Variants in CDH18 observed in about 807,000 individuals in gnomAD.
CDH18 encodes cadherin-18.
Under a neutral mutation model 67.9 loss-of-function variants are expected in CDH18, and 31 were observed. The observed-to-expected ratio is 0.46, with a 90% CI of 0.34 to 0.62. The LOEUF is 0.62. Ranked by LOEUF, CDH18 falls within the 20% of genes least tolerant of loss-of-function variation. The pLI is 0.01. For synonymous variants in CDH18, 362 were observed against 347.2 expected (o/e 1.04, Z -0.48); for missense variants, 890 against 975.5 (o/e 0.91, Z 1.17).
intron 3 of CDH18, among the ~76,000 whole-genome samples, chr5:19,807,556 T>C (rs1363450546): frequency 6.6e-6 from 1 of 152,144 alleles, no homozygotes; most frequent in African/African-American, 2.4e-5. Flanking sequence ...TAGTTTTCTC[T>C]CTCTCCTCAC....
At chr5:20,379,594 G>T (rs1743748535) in intron 1 of CDH18, among the ~76,000 whole-genome samples, 1 of 152,018 alleles carries the variant, frequency 6.6e-6, no homozygotes, top group Non-Finnish European at 1.5e-5. Flanking sequence ...CAGTTAATAT[G>T]TGATGAAAAA....
At chr5:20,387,636 G>C (rs1438184814) in intron 1 of CDH18, among the ~76,000 whole-genome samples, 1 of 152,034 alleles carries the variant, frequency 6.6e-6, no homozygotes, top group Non-Finnish European at 1.5e-5. Flanking sequence ...GGGCATCCCT[G>C]TCTTGTGCCA....
intron 1 of CDH18, among the ~76,000 whole-genome samples, chr5:20,293,661 A>G (rs1264133635): frequency 6.6e-6 from 1 of 152,204 alleles, no homozygotes; most frequent in Non-Finnish European, 1.5e-5. Flanking sequence ...ATCACCAACC[A>G]ATTTTAGAAA....
chr5:19,531,500 T>C (rs1007631718), intron 9 of CDH18, among the ~76,000 whole-genome samples: 1 of 152,206 alleles, frequency 6.6e-6, no homozygotes, highest in African/African-American at 2.4e-5. Flanking sequence ...CAAAGTTGTA[T>C]AGCCAGTTTG....
At chr5:19,864,098 A>G (rs2149992608) in intron 2 of CDH18, among the ~76,000 whole-genome samples, 1 of 151,260 alleles carries the variant, frequency 6.6e-6, no homozygotes, top group Non-Finnish European at 1.5e-5. Flanking sequence ...TTGCGGCACT[A>G]TTCACAACAG....
At chr5:20,301,191 G>T (rs1307661879) in intron 1 of CDH18, among the ~76,000 whole-genome samples, 2 of 151,846 alleles carry the variant, frequency 1.3e-5, no homozygotes, top group Non-Finnish European at 2.9e-5. Flanking sequence ...TTTTTTGTTT[G>T]TTTGTTTGTT....
intron 2 of CDH18, among the ~76,000 whole-genome samples, chr5:20,175,637 G>T (rs981580696): frequency 3.9e-5 from 6 of 152,076 alleles, no homozygotes; most frequent in African/African-American, 1.4e-4. Context: ...TAAAGGGACA[G>T]AACTAATATG....
intron 5 of CDH18, among the ~76,000 whole-genome samples, chr5:19,638,977 GTTTTTTTTT>G (rs34631530): frequency 0.011 from 620 of 54,760 alleles, 14 homozygotes; most frequent in Middle Eastern, 0.042. Flanking sequence ...TTTTGTTGCT[GTTTTTTTTT>G]TTTTTTTTTT....
intron 2 of CDH18, among the ~76,000 whole-genome samples, chr5:20,206,018 T>C (rs1022534475): frequency 7.3e-5 from 11 of 151,440 alleles, no homozygotes; most frequent in Non-Finnish European, 1.5e-5. Context: ...TAAATAACAT[T>C]GAGATTAAAA....
At chr5:19,579,634 G>A (rs1200778252) in intron 7 of CDH18, among the ~76,000 whole-genome samples, 1 of 151,472 alleles carries the variant, frequency 6.6e-6, no homozygotes, top group East Asian at 1.9e-4. Context: ...AATGCTTATA[G>A]ATCTAATATT....
intron 2 of CDH18, among the ~76,000 whole-genome samples, chr5:19,885,518 CCAAA>C (rs1490674234): frequency 1.3e-5 from 2 of 152,042 alleles, no homozygotes; most frequent in South Asian, 2.1e-4. Flanking sequence ...TCTTAAATTG[CCAAA>C]CAAAGATAAC....
chr5:20,431,504 A>AAAAAAAAG (rs536468948), intron 1 of CDH18, among the ~76,000 whole-genome samples: 1 of 138,744 alleles, frequency 7.2e-6, no homozygotes, highest in Non-Finnish European at 1.5e-5. Context: ...AAAAAAAAAA[A>AAAAAAAAG]AAGAAGAAGA....
intron 4 of CDH18, among the ~76,000 whole-genome samples, chr5:19,722,807 A>G (rs895436494): frequency 1.3e-5 from 2 of 152,180 alleles, no homozygotes; most frequent in African/African-American, 4.8e-5. Flanking sequence ...TGTTTTTACA[A>G]TCAATTGATC....
chr5:20,017,879 T>C (rs1738014994), intron 2 of CDH18, among the ~76,000 whole-genome samples: 1 of 152,078 alleles, frequency 6.6e-6, no homozygotes, highest in Non-Finnish European at 1.5e-5. Context: ...TCACTTAAGG[T>C]AGAAAGTACT....
At chr5:19,995,198 G>C (rs965921652) in intron 2 of CDH18, among the ~76,000 whole-genome samples, 2 of 151,912 alleles carry the variant, frequency 1.3e-5, no homozygotes, top group African/African-American at 4.8e-5. Context: ...TTGAAGTACT[G>C]TTTTACCAGC....
chr5:19,799,025 G>T (rs4437373), intron 3 of CDH18, among the ~76,000 whole-genome samples: 1 of 151,712 alleles, frequency 6.6e-6, no homozygotes, highest in Non-Finnish European at 1.5e-5. Flanking sequence ...CCATATTTTA[G>T]GTATTACAAA....
intron 2 of CDH18, among the ~76,000 whole-genome samples, chr5:20,064,112 T>A (rs1455557880): frequency 6.6e-6 from 1 of 152,190 alleles, no homozygotes; most frequent in Non-Finnish European, 1.5e-5. Flanking sequence ...TTTAAGAGTA[T>A]CTTTAATGTG....
chr5:19,884,146 TA>T (rs1271452160), intron 2 of CDH18, among the ~76,000 whole-genome samples: 5 of 152,134 alleles, frequency 3.3e-5, no homozygotes, highest in Admixed American at 6.6e-5. Context: ...AATGGGAAGT[TA>T]AAATTACAGC....
At chr5:19,851,519 A>G (rs1437580922) in intron 2 of CDH18, among the ~76,000 whole-genome samples, 7 of 151,586 alleles carry the variant, frequency 4.6e-5, no homozygotes, top group Admixed American at 4.6e-4. Context: ...AATAAATAAA[A>G]TAATTAACAG....
Sources: gnomAD v4.1 joint callset for allele counts (sites outside exome capture counted in the v4.1 genomes callset) on GRCh38, gnomAD v4.1.1 for gene constraint, MANE v1.5 for transcripts, NCBI Gene and HGNC (gene_info 2026-07-23, HGNC 2026-07-21) for gene names.